The following LIN9 variants were observed in gnomAD, a reference collection of about 807,000 sequenced individuals.
The protein encoded by LIN9 is lin-9 DREAM MuvB core complex component.
LIN9 carries 18 observed loss-of-function variants against 78.0 expected under a neutral mutation model. The ratio of observed to expected loss-of-function variants is 0.23; its 90% CI spans 0.16 to 0.34. The LOEUF (loss-of-function observed/expected upper bound fraction) is 0.34, where lower values mean the gene tolerates loss of function less well. LIN9 is among the 10% of genes least tolerant of loss of function. The probability of loss-of-function intolerance (pLI) is 1.00; values close to 1 mark genes in which losing one functional copy is unlikely to be tolerated. For synonymous variants in LIN9, 192 were observed against 215.2 expected (o/e 0.89, Z 0.94); for missense variants, 451 against 644.1 (o/e 0.70, Z 3.25).
At chr1:226,253,419 G>A (rs1447909964) in intron 10 of LIN9, among the ~76,000 whole-genome samples, 2 of 151,358 alleles carry the variant, frequency 1.3e-5, no homozygotes, top group African/African-American at 2.4e-5. Context: ...TCAGGCTCCC[G>A]AGTAGCTGGG....
Position 226,265,541 on chromosome 1 carries a change from T to A in LIN9, c.1030A>T (p.Ile344Phe). 1 of 1,596,196 alleles carries A rather than the reference T, an allele frequency of 6.3e-7. No individual in the cohort carries two copies. The highest frequency in any genetic ancestry group is 8.6e-7 in the Non-Finnish European group (1 of 1,164,774). ...TTCAGAACAATTCTTACCACTTGGA[T>A]AAGAAATTCTACTGGAAAACCACCT... Reference protein sequence around the residue: ...TLGGFPVEFLIQVTRLSKILM... With the variant: ...TLGGFPVEFLFQVTRLSKILM... Residue 344 changes from isoleucine (I) to phenylalanine (F), a missense_variant, in exon 10 of 15, where the codon ATC becomes TTC. Physicochemically the swap from Ile to Phe is conservative, Grantham distance 21. Transcript: ENST00000681046. This position sits in a 1 kb window ranked among gnomAD's most constrained non-coding sequence, Gnocchi z 4.1.
intron 12 of LIN9, among the ~76,000 whole-genome samples, chr1:226,234,947 A>G (rs1251659530): frequency 2.1e-5 from 3 of 143,574 alleles, no homozygotes; most frequent in Non-Finnish European, 4.5e-5. Flanking sequence ...GCTGGAGTGC[A>G]GTGGTGCGAT....
chr1:226,276,768 G>T (rs573320207), intron 7 of LIN9, among the ~76,000 whole-genome samples: 1 of 152,090 alleles, frequency 6.6e-6, no homozygotes, highest in East Asian at 1.9e-4. Flanking sequence ...TACATATATT[G>T]TAATTTGCCT....
In LIN9 at chr1:226,266,361, TAAAG is replaced by T. The variant is rs1558177550; in HGVS notation, c.817-33_817-30del. The T allele has an allele frequency of 9.6e-6, 15 of 1,566,876 alleles. No homozygotes were observed. In the Admixed American group the frequency reaches 1.1e-4, roughly 11 times the overall value. ...AGAAAACAGAATAATTCACAAAACT[TAAAG>T]AAATTTACCAATCATTTAAGCTTTA... On this transcript the variant is annotated intron_variant, in intron 8 of 14. Transcript: ENST00000681046.
At chr1:226,250,651 A>G (rs1399766954) in intron 11 of LIN9, among the ~76,000 whole-genome samples, 188 bp downstream of exon 11, 1 of 152,202 alleles carries the variant, frequency 6.6e-6, no homozygotes, top group Non-Finnish European at 1.5e-5. Context: ...TCTAGACTCA[A>G]GCAATCCTTT....
At chr1:226,306,815 C>T (rs182079338) in intron 1 of LIN9, among the ~76,000 whole-genome samples, 96 of 152,210 alleles carry the variant, frequency 6.3e-4, no homozygotes, top group Admixed American at 1.3e-3. Flanking sequence ...TTTTCAAGAC[C>T]CTGCTCTAGT....
chr1:226,291,824 T>C (rs1661811957), intron 4 of LIN9, among the ~76,000 whole-genome samples: 2 of 152,190 alleles, frequency 1.3e-5, no homozygotes, highest in Admixed American at 1.3e-4. Context: ...CAACATCCTT[T>C]TTCTGTTCCA....
chr1:226,276,390 C>A (rs1444974041), intron 7 of LIN9, among the ~76,000 whole-genome samples: 1 of 152,138 alleles, frequency 6.6e-6, no homozygotes, highest in Non-Finnish European at 1.5e-5. Context: ...CCATTTCCAC[C>A]TCTACTTCCA....
At chr1:226,246,784 C>T (rs1485008038) in intron 11 of LIN9, among the ~76,000 whole-genome samples, 1 of 102,706 alleles carries the variant, frequency 9.7e-6, no homozygotes, top group African/African-American at 3.9e-5. Context: ...CAGAGCGAGA[C>T]TCTGTCTCAA....
At chr1:226,250,508 T>C (rs896522435) in intron 11 of LIN9, among the ~76,000 whole-genome samples, 8 of 152,326 alleles carry the variant, frequency 5.3e-5, no homozygotes, top group South Asian at 2.1e-4. Flanking sequence ...TAACAAGAGA[T>C]AGTGATAGCA....
chr1:226,303,327 T>C (rs1053025850), intron 1 of LIN9, among the ~76,000 whole-genome samples: 2 of 152,114 alleles, frequency 1.3e-5, no homozygotes, highest in South Asian at 2.1e-4. Context: ...ATTCTAGTGA[T>C]GGGAGGCAAA....
chr1:226,287,927 T>G (rs1661476927), intron 4 of LIN9, 130 bp from the exon 5 acceptor site: 1 of 631,428 alleles, frequency 1.6e-6, no homozygotes, highest in African/African-American at 2.0e-5. Flanking sequence ...TCACTGATAT[T>G]CAACATGGAA....
At chr1:226,286,281 A>G in intron 6 of LIN9, 52 bp downstream of exon 6, 2 of 1,574,814 alleles carry the variant, frequency 1.3e-6, no homozygotes, top group South Asian at 1.2e-5. Flanking sequence ...AAGTACATGC[A>G]CTGCTACTGG....
intron 4 of LIN9, among the ~76,000 whole-genome samples, chr1:226,295,184 T>C (rs1235801033): frequency 6.6e-6 from 1 of 151,920 alleles, no homozygotes; most frequent in Non-Finnish European, 1.5e-5. Context: ...GTGCAGTGGC[T>C]CACGACTGTA....
intron 7 of LIN9, among the ~76,000 whole-genome samples, chr1:226,271,970 T>A (rs1660302948): frequency 6.6e-6 from 1 of 152,140 alleles, no homozygotes; most frequent in Non-Finnish European, 1.5e-5. Context: ...AACCTGTCTA[T>A]GATTTTATAT....
At chr1:226,252,011 T>C (rs1269651105) in intron 10 of LIN9, among the ~76,000 whole-genome samples, 1 of 152,088 alleles carries the variant, frequency 6.6e-6, no homozygotes, top group Non-Finnish European at 1.5e-5. Context: ...TCCCAGTACT[T>C]TGGGAGGCCA....
chr1:226,282,738 T>C (rs1271803926), intron 6 of LIN9, among the ~76,000 whole-genome samples: 1 of 152,126 alleles, frequency 6.6e-6, no homozygotes, highest in Non-Finnish European at 1.5e-5. Flanking sequence ...GGAGAATCAC[T>C]TGAACCTGGG....
chr1:226,270,995 G>A lies in LIN9; in HGVS notation c.683-2905C>T, dbSNP rs548127916. Among the ~76,000 whole-genome samples, 17 of 151,338 alleles carry A rather than the reference G, an allele frequency of 1.1e-4. No individual in the cohort carries two copies. In the East Asian group the frequency reaches 1.4e-3, roughly 12 times the overall value. On this transcript the variant is annotated intron_variant, in intron 7 of 14. Transcript: ENST00000681046. Reference sequence around the variant, plus strand: ...AAATCCCAGATAACCTGGAATTATCGTTCATTTTACAAAGATTACTTTTAG... The same window carrying A: ...AAATCCCAGATAACCTGGAATTATCATTCATTTTACAAAGATTACTTTTAG...
chr1:226,259,490 G>A (rs1390300765), intron 10 of LIN9, among the ~76,000 whole-genome samples: 1 of 152,010 alleles, frequency 6.6e-6, no homozygotes, highest in Non-Finnish European at 1.5e-5. Flanking sequence ...AACAACCATA[G>A]AATATACTTT....
Sources: allele counts gnomAD v4.1 joint callset (sites outside exome capture counted in the v4.1 genomes callset), GRCh38; gene constraint gnomAD v4.1.1; non-coding constraint Gnocchi (gnomAD v3.1); transcripts MANE v1.5; gene names NCBI Gene and HGNC (gene_info 2026-07-23, HGNC 2026-07-21).